Variants in NUP210L observed in about 807,000 individuals in gnomAD.
NUP210L encodes nucleoporin 210 like.
Under a neutral mutation model 208.5 loss-of-function variants are expected in NUP210L, and 74 were observed. The ratio of observed to expected loss-of-function variants is 0.35; its 90% confidence interval spans 0.29 to 0.43. The LOEUF is 0.43. Among genes scored for constraint, NUP210L ranks in the 20% least tolerant of loss-of-function variants. NUP210L has a pLI of 1.00. For synonymous variants in NUP210L, 780 were observed against 816.9 expected (o/e 0.95, Z 0.77); for missense variants, 1,843 against 2,289.4 (o/e 0.81, Z 3.98).
At chr1:153,995,309 T>C in intron 37 of NUP210L, 129 bp from the exon 38 acceptor site, 1 of 651,456 alleles carries the variant, frequency 1.5e-6, no homozygotes, top group South Asian at 1.9e-5. Flanking sequence ...TGGAGGGCAG[T>C]GGTGCGATCT....
Position 154,113,755 on chromosome 1 carries a change from G to A in NUP210L, c.1620+3970C>T, listed in dbSNP as rs529127969. ...TGCCTGTAATTCCAGCTACTCAGGA[G>A]GCTGAAGCAGGAGAATCGCTTGAAC... On this transcript the variant is annotated intron_variant, in intron 12 of 39. Coordinates refer to ENST00000368559, the Ensembl canonical transcript of NUP210L. Among the ~76,000 whole-genome samples, 6 of 150,926 alleles carry A rather than the reference G, an allele frequency of 4.0e-5. No individual in the cohort carries two copies. In the Admixed American group the frequency reaches 4.0e-4, roughly 10 times the overall value.
chr1:154,030,166 A>T, intron 27 of NUP210L, 112 bp from the exon 28 acceptor site: 4 of 702,234 alleles, frequency 5.7e-6, no homozygotes, highest in Non-Finnish European at 8.4e-6. Flanking sequence ...ATAAAAAGTC[A>T]GGAAAGGGTG....
At chr1:154,012,623 G>A (rs1650990580) in intron 33 of NUP210L, among the ~76,000 whole-genome samples, 1 of 151,514 alleles carries the variant, frequency 6.6e-6, no homozygotes, top group Non-Finnish European at 1.5e-5. Flanking sequence ...GCTGACTGAA[G>A]CCTCAAATTC....
At chr1:154,053,983 T>A (rs1653669995) in intron 25 of NUP210L, among the ~76,000 whole-genome samples, 1 of 152,216 alleles carries the variant, frequency 6.6e-6, no homozygotes, top group Admixed American at 6.5e-5. Flanking sequence ...TAGACATATT[T>A]GTTTTTCTCT....
At chr1:154,114,128 G>A (rs1324586662) in intron 12 of NUP210L, among the ~76,000 whole-genome samples, 18 of 148,258 alleles carry the variant, frequency 1.2e-4, no homozygotes, top group Non-Finnish European at 1.8e-4. Context: ...GGGCAACAGC[G>A]CAAGACTCCA....
chr1:154,066,455 CAA>C (rs947435677), intron 17 of NUP210L, among the ~76,000 whole-genome samples: 8 of 152,024 alleles, frequency 5.3e-5, no homozygotes, highest in Non-Finnish European at 7.4e-5. Context: ...ACTAAAAATA[CAA>C]AAAATTAGCC....
chr1:154,080,276 T>C lies in NUP210L; in HGVS notation c.2361+9145A>G, dbSNP rs1655251873. On this transcript the variant is annotated intron_variant, in intron 16 of 39. Transcript: ENST00000368559. ...TCGGGAGGCTGAGGCAGGACAATCG[T>C]TTGAACCTGGGAGGCGGAGGTTGCA... Among the ~76,000 whole-genome samples the C allele has an allele frequency of 2.0e-5, 3 of 151,618 alleles. No homozygotes were observed. In the South Asian group the frequency reaches 6.3e-4, roughly 32 times the overall value.
chr1:153,996,446 G>A (rs1321147046), intron 37 of NUP210L, among the ~76,000 whole-genome samples: 2 of 151,898 alleles, frequency 1.3e-5, no homozygotes, highest in African/African-American at 2.4e-5. Flanking sequence ...ATTTTTTTGA[G>A]AGGGAGTCTC....
chr1:154,086,763 C>T (rs550349322), intron 16 of NUP210L, among the ~76,000 whole-genome samples: 3 of 151,772 alleles, frequency 2.0e-5, no homozygotes, highest in Admixed American at 2.0e-4. Flanking sequence ...TTACAGTGAC[C>T]TATGATCATG....
chr1:153,995,059 G>A lies in NUP210L; in HGVS notation c.5491+17C>T, dbSNP rs1557899916. 1.5e-6 allele frequency: 2 copies of A among 1,355,968 alleles called. No individual in the cohort carries two copies. The highest frequency in any genetic ancestry group is 1.2e-5 in the South Asian group (1 of 81,752). The allele number at this position is 1,355,968 out of a possible 1,614,324, so 84.0% of individuals were successfully genotyped here. On this transcript the variant is annotated intron_variant, in intron 38 of 39. Transcript: ENST00000368559. Reference sequence around the variant, plus strand: ...TTTTCATGTCAAAGTCTATGTTATTGAATATAAGGACTCTACCTAGGAAGA... The same window carrying A: ...TTTTCATGTCAAAGTCTATGTTATTAAATATAAGGACTCTACCTAGGAAGA...
At chr1:154,152,957 T>C (rs1659474941) in intron 1 of NUP210L, 85 bp from the exon 2 acceptor site, 1 of 1,165,246 alleles carries the variant, frequency 8.6e-7, no homozygotes, top group Non-Finnish European at 1.3e-6. Flanking sequence ...ACTTCTTCCA[T>C]GTTACATACT....
chr1:154,140,089 G>T, intron 4 of NUP210L, 137 bp from the exon 5 acceptor site: 1 of 681,510 alleles, frequency 1.5e-6, no homozygotes, highest in Non-Finnish European at 2.4e-6. Context: ...GGTAGCTCAC[G>T]CCTGTAATCC....
At chr1:154,018,998 C>T (rs975656664) in exon 33 of NUP210L, 1 of 1,613,906 alleles carries the variant, frequency 6.2e-7, no homozygotes, top group African/African-American at 1.3e-5. Context: ...GGACTCCTGG[C>T]CACTCCTACT....
chr1:153,995,750 A>G, intron 37 of NUP210L: 1 of 762,662 alleles, frequency 1.3e-6, no homozygotes, highest in Non-Finnish European at 2.3e-6. Context: ...ATGGATGGGA[A>G]AGCACCAAAA....
intron 10 of NUP210L, among the ~76,000 whole-genome samples, chr1:154,125,354 G>A (rs1464574018): frequency 6.6e-6 from 1 of 151,646 alleles, no homozygotes; most frequent in Non-Finnish European, 1.5e-5. Context: ...GGAGGCTGAG[G>A]TAGGAGAATC....
chr1:154,066,583 C>T (rs777334729), intron 17 of NUP210L, among the ~76,000 whole-genome samples: 2 of 152,188 alleles, frequency 1.3e-5, no homozygotes, highest in Non-Finnish European at 2.9e-5. Context: ...TGCACTCCGG[C>T]TTGGGCGAAA....
At chr1:154,075,401 A>G (rs1654979926) in intron 16 of NUP210L, among the ~76,000 whole-genome samples, 1 of 152,066 alleles carries the variant, frequency 6.6e-6, no homozygotes, top group South Asian at 2.1e-4. Context: ...ACTCCAAGTT[A>G]ATAAATAAAT....
chr1:154,113,857 CAAAAAAAA>C (rs11298820), intron 12 of NUP210L, among the ~76,000 whole-genome samples: 5 of 40,674 alleles, frequency 1.2e-4, no homozygotes, highest in South Asian at 1.1e-3. Flanking sequence ...GACTCCATCT[CAAAAAAAA>C]AAAAAAAAAA....
At chr1:154,030,079 G>T (rs1652124126) in intron 27 of NUP210L, 25 bp from the exon 28 acceptor site, 2 of 1,467,754 alleles carry the variant, frequency 1.4e-6, no homozygotes, top group Non-Finnish European at 1.8e-6. Flanking sequence ...GATAGATTAA[G>T]AAATATTCAT....
Sources: gnomAD v4.1 joint callset for allele counts (sites outside exome capture counted in the v4.1 genomes callset) on GRCh38, gnomAD v4.1.1 for gene constraint, MANE v1.5 for transcripts, NCBI Gene and HGNC (gene_info 2026-07-23, HGNC 2026-07-21) for gene names.